FAM3D: variants seen among roughly 807,000 people sequenced by gnomAD.
FAM3D encodes the protein protein FAM3D.
FAM3D carries 26 observed loss-of-function variants against 29.8 expected under a neutral mutation model. The ratio of observed to expected loss-of-function variants is 0.87; its 90% CI spans 0.64 to 1.21. The LOEUF (loss-of-function observed/expected upper bound fraction) is 1.21, where lower values mean the gene tolerates loss of function less well. Ranked by LOEUF, FAM3D falls within the 50% of genes most tolerant of loss-of-function variation. The probability of loss-of-function intolerance (pLI) is 0.00; values close to 1 mark genes in which losing one functional copy is unlikely to be tolerated. For missense variants in FAM3D, 253 were observed against 290.9 expected, an observed-to-expected ratio of 0.87 and a Z score of 0.95; for synonymous variants, 115 against 102.3, an observed-to-expected ratio of 1.12 and a Z score of -0.75.
At chr3:58,652,809 C>T (rs1009838503) in intron 3 of FAM3D, among the ~76,000 whole-genome samples, 3 of 152,062 alleles carry the variant, frequency 2.0e-5, no homozygotes, top group African/African-American at 7.2e-5. Flanking sequence ...ATTTATCTAT[C>T]CACCCACCCA....
intron 4 of FAM3D, among the ~76,000 whole-genome samples, chr3:58,648,425 G>C (rs1320590731): frequency 6.6e-6 from 1 of 152,136 alleles, no homozygotes; most frequent in Non-Finnish European, 1.5e-5. Flanking sequence ...GAGGGGTTGA[G>C]GGGGTGGGCT....
intron 1 of FAM3D, among the ~76,000 whole-genome samples, chr3:58,665,839 T>C (rs2067019546): frequency 6.6e-6 from 1 of 152,246 alleles, no homozygotes; most frequent in African/African-American, 2.4e-5. Flanking sequence ...TAGCACATCA[T>C]ACATGTTATT....
intron 1 of FAM3D, among the ~76,000 whole-genome samples, chr3:58,656,731 A>G (rs780885675): frequency 6.6e-6 from 1 of 152,152 alleles, no homozygotes; most frequent in Non-Finnish European, 1.5e-5. Flanking sequence ...ATCCATCTCA[A>G]CAGACATGGT....
At chr3:58,662,430 C>T (rs2066949973) in intron 1 of FAM3D, among the ~76,000 whole-genome samples, 1 of 152,226 alleles carries the variant, frequency 6.6e-6, no homozygotes, top group Non-Finnish European at 1.5e-5. Flanking sequence ...ATCTTAATAA[C>T]AATCACAATA....
At chr3:58,663,383 G>T (rs1380591956) in intron 1 of FAM3D, among the ~76,000 whole-genome samples, 1 of 152,200 alleles carries the variant, frequency 6.6e-6, no homozygotes, top group African/African-American at 2.4e-5. Context: ...AGTGCCGGGG[G>T]TGTCATGTGA....
intron 3 of FAM3D, among the ~76,000 whole-genome samples, chr3:58,652,861 T>TGTCC (rs1559504797): frequency 0.01 from 753 of 72,634 alleles, 7 homozygotes; most frequent in Middle Eastern, 0.057. Context: ...TCCATCCATC[T>TGTCC]GTCCATCCAT....
chr3:58,664,748 C>A (rs1168596212), intron 1 of FAM3D, among the ~76,000 whole-genome samples: 1 of 152,214 alleles, frequency 6.6e-6, no homozygotes, highest in Non-Finnish European at 1.5e-5. Flanking sequence ...CCCCAGGCCA[C>A]ACCCTTGGGG....
intron 2 of FAM3D, 89 bp downstream of exon 2, chr3:58,655,462 G>A: frequency 1.3e-6 from 2 of 1,559,404 alleles, no homozygotes; most frequent in Non-Finnish European, 1.8e-6. Context: ...CTGACCATTT[G>A]AGAACAGATA....
chr3:58,650,047 A>C (rs2066590075), intron 3 of FAM3D, among the ~76,000 whole-genome samples: 2 of 152,202 alleles, frequency 1.3e-5, no homozygotes, highest in Admixed American at 6.5e-5. Context: ...TATTGTCTGC[A>C]CTGGCTCTAG....
intron 4 of FAM3D, among the ~76,000 whole-genome samples, chr3:58,646,958 T>C (rs2066500628): frequency 6.6e-6 from 1 of 151,886 alleles, no homozygotes; most frequent in Non-Finnish European, 1.5e-5. Flanking sequence ...AGCTTTTAGG[T>C]GAATCAGGAA....
intron 2 of FAM3D, among the ~76,000 whole-genome samples, chr3:58,655,020 C>T (rs62250346): frequency 0.12 from 17,587 of 152,186 alleles, 1,351 homozygotes; most frequent in Non-Finnish European, 0.17. Context: ...GTCACTTCCC[C>T]ACTGTCACTT....
chr3:58,644,866 G>C (rs769732729), intron 5 of FAM3D, among the ~76,000 whole-genome samples: 5 of 152,214 alleles, frequency 3.3e-5, no homozygotes, highest in Non-Finnish European at 7.3e-5. Context: ...CCTGGATCCA[G>C]GTGGTCCTGA....
rs75529659 is a variant in FAM3D, at chr3:58,645,512, C to A, written c.260G>T (p.Arg87Leu). 40 of 1,609,318 alleles carry A rather than the reference C, an allele frequency of 2.5e-5. No individual in the cohort carries two copies. In the African/African-American group the frequency reaches 3.1e-4, roughly 12 times the overall value. The change falls in exon 5 of 10, where the codon CGC becomes CTC. Residue 87 changes from arginine (R) to leucine (L), a missense_variant. Coordinates refer to ENST00000358781, the MANE Select transcript of FAM3D (RefSeq NM_138805.3). ...TAGTTGTGTCTTAGGTACTTACATG[C>A]GGTCTTCAAAGCACATAGTAGGGCC... The part of the protein sequence containing the change: ...VVGPTMCFED[R>L]MIMSPVKNNV...
intron 2 of FAM3D, among the ~76,000 whole-genome samples, chr3:58,654,821 T>C (rs13083280): frequency 0.63 from 95,165 of 152,072 alleles, 30,983 homozygotes; most frequent in South Asian, 0.76. Context: ...TGGTCTTCAA[T>C]GGCACAGCAC....
intron 7 of FAM3D, among the ~76,000 whole-genome samples, chr3:58,638,499 G>A (rs919550466): frequency 3.3e-5 from 5 of 152,248 alleles, no homozygotes; most frequent in East Asian, 1.9e-4. Context: ...TACAGTAAGC[G>A]TACTCTAATG....
intron 2 of FAM3D, 30 bp downstream of exon 2, chr3:58,655,521 A>T: frequency 6.2e-7 from 1 of 1,613,166 alleles, no homozygotes; most frequent in Non-Finnish European, 8.5e-7. Context: ...CTGACAGAAA[A>T]ATGACTCCAA....
chr3:58,637,950 T>G (rs1421404409), intron 7 of FAM3D, among the ~76,000 whole-genome samples: 3 of 151,920 alleles, frequency 2.0e-5, no homozygotes, highest in South Asian at 2.1e-4. Context: ...AATGGCGCGA[T>G]CTGCGCTCAT....
At chr3:58,655,034 T>C (rs372315838) in intron 2 of FAM3D, among the ~76,000 whole-genome samples, 2 of 152,088 alleles carry the variant, frequency 1.3e-5, no homozygotes, top group Non-Finnish European at 2.9e-5. Context: ...GTCACTTGGC[T>C]AGTAAGTGTC....
intron 7 of FAM3D, among the ~76,000 whole-genome samples, chr3:58,637,656 G>GTA (rs2066213313): frequency 6.6e-6 from 1 of 152,092 alleles, no homozygotes; most frequent in Non-Finnish European, 1.5e-5. Flanking sequence ...ACTTTAGGTG[G>GTA]TATAGCACGT....
Sources: allele counts gnomAD v4.1 joint callset (sites outside exome capture counted in the v4.1 genomes callset), GRCh38; gene constraint gnomAD v4.1.1; transcripts MANE v1.5; gene names NCBI Gene and HGNC (gene_info 2026-07-23, HGNC 2026-07-21).